The following EYA2 variants were observed in gnomAD, a reference collection of about 807,000 sequenced individuals.
EYA2 encodes the protein protein phosphatase EYA2.
A neutral mutation model predicts 69.2 loss-of-function variants in EYA2; 31 were observed. The ratio of observed to expected loss-of-function variants is 0.45; its 90% CI spans 0.34 to 0.60. EYA2 has a LOEUF of 0.60. Among genes scored for constraint, EYA2 ranks in the 20% least tolerant of loss-of-function variants. EYA2 has a pLI of 0.02. For missense variants in EYA2, 622 were observed against 701.2 expected, an observed-to-expected ratio of 0.89 and a Z score of 1.28; for synonymous variants, 257 against 279.4, an observed-to-expected ratio of 0.92 and a Z score of 0.80.
At chr20:46,903,361 C>T (rs1429678646) in intron 1 of EYA2, among the ~76,000 whole-genome samples, 2 of 152,210 alleles carry the variant, frequency 1.3e-5, no homozygotes, top group Non-Finnish European at 2.9e-5. Flanking sequence ...TCGGCTTCTG[C>T]ACCTGAAACC....
At chr20:47,150,410 C>T (rs1201916605) in intron 10 of EYA2, among the ~76,000 whole-genome samples, 1 of 152,208 alleles carries the variant, frequency 6.6e-6, no homozygotes, top group African/African-American at 2.4e-5. Context: ...GAAATGTGAA[C>T]AGTCTAGGGC....
intron 5 of EYA2, among the ~76,000 whole-genome samples, chr20:47,070,643 A>C (rs2031280219): frequency 6.6e-6 from 1 of 152,218 alleles, no homozygotes; most frequent in Non-Finnish European, 1.5e-5. Flanking sequence ...TTGTACATCT[A>C]TGCCATTGTG....
chr20:47,007,640 G>A (rs1421385773), intron 4 of EYA2, among the ~76,000 whole-genome samples: 1 of 151,994 alleles, frequency 6.6e-6, no homozygotes, highest in South Asian at 2.1e-4. Flanking sequence ...TTTAGAGACA[G>A]GGTCTGGCTC....
chr20:46,933,885 T>C (rs1985782858), intron 1 of EYA2, among the ~76,000 whole-genome samples: 1 of 152,208 alleles, frequency 6.6e-6, no homozygotes, highest in African/African-American at 2.4e-5. Flanking sequence ...GCCTGGCACA[T>C]TGTATATGCT....
At chr20:47,069,840 A>G (rs1363552882) in intron 5 of EYA2, among the ~76,000 whole-genome samples, 3 of 143,134 alleles carry the variant, frequency 2.1e-5, no homozygotes, top group Admixed American at 7.0e-5. Flanking sequence ...GTATATATAC[A>G]CACATATACA....
At chr20:47,023,632 G>GTTGT (rs1983891088) in intron 5 of EYA2, among the ~76,000 whole-genome samples, 1 of 90,116 alleles carries the variant, frequency 1.1e-5, no homozygotes, top group South Asian at 3.9e-4. Context: ...GATTTTGGGT[G>GTTGT]TTTTTTTTTT....
At chr20:47,087,398 CT>C (rs773959654) in intron 7 of EYA2, among the ~76,000 whole-genome samples, 5 of 152,148 alleles carry the variant, frequency 3.3e-5, no homozygotes, top group Non-Finnish European at 5.9e-5. Flanking sequence ...ATGGGATGTC[CT>C]CGAAGGTTCA....
chr20:47,089,415 T>C (rs749413133), intron 8 of EYA2, 34 bp downstream of exon 8: 1 of 1,587,222 alleles, frequency 6.3e-7, no homozygotes, highest in Non-Finnish European at 8.6e-7. Context: ...ACCTGGTGAA[T>C]GTAATCTCCA....
chr20:46,935,236 C>A (rs899215143), intron 1 of EYA2, among the ~76,000 whole-genome samples: 3 of 152,216 alleles, frequency 2.0e-5, no homozygotes, highest in Non-Finnish European at 4.4e-5. Flanking sequence ...GGGCAGCCTG[C>A]TGGGAACATT....
intron 5 of EYA2, among the ~76,000 whole-genome samples, chr20:47,071,333 A>C (rs970324193): frequency 2.0e-5 from 3 of 152,086 alleles, no homozygotes; most frequent in Non-Finnish European, 4.4e-5. Flanking sequence ...TTGTAGAGAC[A>C]ACATCTCACT....
In EYA2 at chr20:47,094,035, T is replaced by C. The variant is rs140061056; in HGVS notation, c.805-3050T>C. Among the ~76,000 whole-genome samples the C allele has an allele frequency of 1.2e-3, 184 of 152,220 alleles. 1 individual carries two copies. Among genetic ancestry groups the C allele is most frequent in the African/African-American group, 4.3e-3 (180 of 41,532 alleles). ...AAATAAAAGGTCTCTGACCCACCCA[T>C]GGTTAAGGACGCACCCTGGTCTGCA... On this transcript the variant is annotated intron_variant, in intron 8 of 15. Transcript: ENST00000327619.
At chr20:47,081,634 C>A (rs2031722095) in intron 7 of EYA2, among the ~76,000 whole-genome samples, 1 of 151,546 alleles carries the variant, frequency 6.6e-6, no homozygotes. Flanking sequence ...CAAAAATTAG[C>A]CAGGCGTGGT....
At chr20:47,043,350 C>T (rs1412997783) in intron 5 of EYA2, among the ~76,000 whole-genome samples, 2 of 152,058 alleles carry the variant, frequency 1.3e-5, no homozygotes, top group African/African-American at 4.8e-5. Flanking sequence ...AGGGAGAGGC[C>T]AACATTCAGG....
chr20:47,107,409 C>CA (rs1358344652), intron 9 of EYA2, among the ~76,000 whole-genome samples: 1 of 151,174 alleles, frequency 6.6e-6, no homozygotes, highest in Non-Finnish European at 1.5e-5. Flanking sequence ...CCTGTAGTCC[C>CA]AGCTATCTGG....
At chr20:47,065,629 C>T (rs1226069440) in intron 5 of EYA2, among the ~76,000 whole-genome samples, 4 of 152,002 alleles carry the variant, frequency 2.6e-5, no homozygotes, top group East Asian at 1.9e-4. Context: ...AAATTAAAAG[C>T]GTGATTTTTT....
At position 46,991,979 on chromosome 20, in the gene EYA2, A is replaced by AAAAAAAG. The variant is rs1555810267; in HGVS notation, c.109+1866_109+1867insGAAAAAA. On this transcript the variant is annotated intron_variant, in intron 2 of 15. Transcript: ENST00000327619. Reference sequence around the variant, plus strand: ...GTGAGACTCCGTCTCAAAAAAAAAAAAAAAAAACGCTGAAAGCTTTAGCAA... The same window carrying AAAAAAAG: ...GTGAGACTCCGTCTCAAAAAAAAAAAAAAAAAGAAAAAAACGCTGAAAGCTTTAGCAA... Among the ~76,000 whole-genome samples the AAAAAAAG allele has an allele frequency of 1.7e-4, 24 of 143,464 alleles. 2 individuals are homozygous for AAAAAAAG. Among genetic ancestry groups the AAAAAAAG allele is most frequent in the South Asian group, 1.1e-3 (5 of 4,398 alleles). 94.1% of individuals were successfully genotyped at this position (143,464 alleles called of 152,430 possible).
intron 5 of EYA2, among the ~76,000 whole-genome samples, chr20:47,020,560 G>A (rs1983690490): frequency 1.3e-5 from 2 of 151,914 alleles, no homozygotes; most frequent in Non-Finnish European, 2.9e-5. Flanking sequence ...GTAAAACACT[G>A]CTATTCACAG....
At chr20:46,974,936 G>A (rs926886826) in intron 1 of EYA2, among the ~76,000 whole-genome samples, 9 of 152,246 alleles carry the variant, frequency 5.9e-5, no homozygotes, top group East Asian at 1.9e-4. Context: ...AACACGCATC[G>A]TAAAATGCAG....
intron 5 of EYA2, among the ~76,000 whole-genome samples, chr20:47,034,817 G>A (rs1439953537): frequency 6.6e-6 from 1 of 152,156 alleles, no homozygotes; most frequent in East Asian, 1.9e-4. Context: ...AAGCTCAGAG[G>A]GAGACTGTCC....
Sources: allele counts gnomAD v4.1 joint callset (sites outside exome capture counted in the v4.1 genomes callset), GRCh38; gene constraint gnomAD v4.1.1; transcripts MANE v1.5; gene names NCBI Gene and HGNC (gene_info 2026-07-23, HGNC 2026-07-21).